The following CISD1 variants were observed in gnomAD, a reference collection of about 807,000 sequenced individuals.
CISD1 encodes the protein CDGSH iron-sulfur domain-containing protein 1.
Under a neutral mutation model 12.0 loss-of-function variants are expected in CISD1, and 8 were observed. The observed-to-expected ratio is 0.67, with a 90% CI of 0.39 to 1.20. The LOEUF (loss-of-function observed/expected upper bound fraction) is 1.20. Among genes scored for constraint, CISD1 ranks in the 50% most tolerant of loss-of-function variants. The pLI is 0.01. For synonymous variants in CISD1, 38 were observed against 42.2 expected, an observed-to-expected ratio of 0.90 and a Z score of 0.39; for missense variants, 107 against 132.7, an observed-to-expected ratio of 0.81 and a Z score of 0.95.
At chr10:58,274,025 T>G (rs536984883) in intron 1 of CISD1, among the ~76,000 whole-genome samples, 1 of 152,048 alleles carries the variant, frequency 6.6e-6, no homozygotes, top group African/African-American at 2.4e-5. Context: ...TCCCAGCTAC[T>G]TGGGAGGCTG....
At chr10:58,274,669 G>A (rs1393018692) in intron 1 of CISD1, among the ~76,000 whole-genome samples, 1 of 152,076 alleles carries the variant, frequency 6.6e-6, no homozygotes, top group Non-Finnish European at 1.5e-5. Context: ...CACAAAGTGT[G>A]TGTTTTGATT....
rs1343423186 is a variant in CISD1 at position 58,276,906 on chromosome 10, C to A, written c.32-211C>A. Among the ~76,000 whole-genome samples the A allele has an allele frequency of 2.0e-5, 3 of 152,034 alleles. No individual in the cohort carries two copies. In the East Asian group the frequency reaches 5.8e-4, roughly 29 times the overall value. On this transcript the variant is annotated intron_variant, in intron 1 of 2. Transcript: ENST00000333926. ...TCTACTTAATGTAGCTATCATCACT[C>A]AGTAGAAAATACACAATTGCTTCAA... is the stretch of plus-strand genomic sequence containing the variant.
At chr10:58,286,196 C>T (rs539187579) in intron 2 of CISD1, among the ~76,000 whole-genome samples, 141 of 147,096 alleles carry the variant, frequency 9.6e-4, no homozygotes, top group Non-Finnish European at 1.8e-3. Context: ...CAGAGCAAGA[C>T]TCCGTTTCAA....
chr10:58,276,886 T>A (rs1303670131), intron 1 of CISD1, among the ~76,000 whole-genome samples: 1 of 152,116 alleles, frequency 6.6e-6, no homozygotes, highest in Non-Finnish European at 1.5e-5. Context: ...TTTCTTCTAC[T>A]TAATGTAGCT....
At chr10:58,285,540 A>G (rs1476289945) in intron 2 of CISD1, among the ~76,000 whole-genome samples, 2 of 152,142 alleles carry the variant, frequency 1.3e-5, no homozygotes, top group Admixed American at 1.3e-4. Flanking sequence ...AGATACATTC[A>G]AAACACCAAG....
At chr10:58,280,295 A>T (rs1047014702) in intron 2 of CISD1, among the ~76,000 whole-genome samples, 2 of 152,162 alleles carry the variant, frequency 1.3e-5, no homozygotes, top group Non-Finnish European at 2.9e-5. Context: ...TGATACTTTT[A>T]CCGGGGTGCT....
intron 1 of CISD1, chr10:58,273,294 C>T (rs2132277166): frequency 6.6e-6 from 1 of 152,052 alleles, no homozygotes; most frequent in Non-Finnish European, 1.5e-5. Flanking sequence ...TTGAATATCA[C>T]TTATATGCCA....
At chr10:58,273,939 G>T (rs1839279998) in intron 1 of CISD1, among the ~76,000 whole-genome samples, 1 of 152,120 alleles carries the variant, frequency 6.6e-6, no homozygotes, top group Admixed American at 6.5e-5. Flanking sequence ...TTCAAGACCG[G>T]CCTGGCCAAC....
rs555577825 is a variant in CISD1, at chr10:58,282,716, A to AT, written c.238-4842dup. On this transcript the variant is annotated intron_variant, in intron 2 of 2. Coordinates refer to ENST00000333926, the MANE Select transcript of CISD1 (RefSeq NM_018464.5). The stretch of plus-strand genomic sequence containing the variant: ...TAAAGTGACTACAGGGAAAGATACT[A>AT]TTTGAGTCAGCGGTATCTTGACAAA... Among the ~76,000 whole-genome samples the AT allele has an allele frequency of 3.7e-3, 560 of 152,342 alleles. 7 individuals carry two copies. The highest frequency in any genetic ancestry group is 0.013 in the African/African-American group (522 of 41,586).
chr10:58,283,469 G>A (rs1345040933), intron 2 of CISD1, among the ~76,000 whole-genome samples: 2 of 152,126 alleles, frequency 1.3e-5, no homozygotes, highest in African/African-American at 4.8e-5. Flanking sequence ...ACAGTTTATG[G>A]TAATGAGCCA....
rs1839449038 is a variant in CISD1 at position 58,288,054 on chromosome 10, A to G, written c.*404A>G. On this transcript the variant is annotated 3_prime_UTR_variant, in exon 3 of 3. Transcript: ENST00000333926. Reference sequence around the variant, plus strand: ...TTACCATCTTTTCATATTGACCTGGAAACTAAATAGGATGTGATTCAGCTA... The same window carrying G: ...TTACCATCTTTTCATATTGACCTGGGAACTAAATAGGATGTGATTCAGCTA... 6.5e-6 allele frequency: 1 copy of G among 154,134 alleles called. No homozygotes were observed. Among genetic ancestry groups the G allele is most frequent in the African/African-American group, 2.4e-5 (1 of 41,524 alleles). 9.5% of individuals were successfully genotyped at this position (154,134 alleles called of 1,614,324 possible).
intron 1 of CISD1, among the ~76,000 whole-genome samples, chr10:58,273,881 C>T (rs1419186150): frequency 6.6e-6 from 1 of 152,184 alleles, no homozygotes; most frequent in Admixed American, 6.5e-5. Context: ...TGCCTGTAAT[C>T]CCAGCACTTT....
chr10:58,281,371 T>TC (rs1296433517), intron 2 of CISD1, among the ~76,000 whole-genome samples: 6 of 152,222 alleles, frequency 3.9e-5, no homozygotes, highest in Non-Finnish European at 8.8e-5. Flanking sequence ...TGCCTTTTTT[T>TC]CCCCCTCTGG....
intron 1 of CISD1, among the ~76,000 whole-genome samples, chr10:58,272,524 A>G (rs1238655998): frequency 1.3e-5 from 2 of 152,212 alleles, no homozygotes; most frequent in Non-Finnish European, 2.9e-5. Context: ...AAATTCACCA[A>G]GTCATTTAAA....
Position 58,269,165 on chromosome 10 carries a change from A to C in CISD1, c.-109A>C, listed in dbSNP as rs543557066. 4.5e-5 allele frequency: 54 copies of C among 1,193,040 alleles called. No homozygotes were observed. In the South Asian group the frequency reaches 4.5e-4, roughly 10 times the overall value. 73.9% of individuals were successfully genotyped at this position (1,193,040 alleles called of 1,614,324 possible). A position where few individuals can be genotyped will look rare whatever the true frequency, so the allele number is the denominator to read the frequency against. ...CCCGCCGCGGCGCCTGCGCGGTAGC[A>C]TCGCGGAGTCGGTGCTTTAGTACGC... is the stretch of plus-strand genomic sequence containing the variant. On this transcript the variant is annotated 5_prime_UTR_variant, in exon 1 of 3. Coordinates refer to ENST00000333926, the MANE Select transcript of CISD1 (RefSeq NM_018464.5).
intron 1 of CISD1, among the ~76,000 whole-genome samples, chr10:58,272,771 T>G (rs990831135): frequency 6.6e-6 from 1 of 152,026 alleles, no homozygotes; most frequent in Admixed American, 6.5e-5. Flanking sequence ...TACAAAAAAT[T>G]AGCCAGGCAT....
intron 1 of CISD1, among the ~76,000 whole-genome samples, chr10:58,272,521 C>T (rs1839260994): frequency 6.6e-6 from 1 of 152,070 alleles, no homozygotes; most frequent in South Asian, 2.1e-4. Flanking sequence ...ACTAAATTCA[C>T]CAAGTCATTT....
intron 2 of CISD1, among the ~76,000 whole-genome samples, chr10:58,285,792 A>T (rs78561429): frequency 1.3e-5 from 2 of 152,216 alleles, no homozygotes; most frequent in Non-Finnish European, 2.9e-5. Flanking sequence ...GATTAAAAAT[A>T]TGACAGAAAT....
intron 2 of CISD1, among the ~76,000 whole-genome samples, chr10:58,280,126 G>A (rs2132281761): frequency 6.6e-6 from 1 of 152,344 alleles, no homozygotes; most frequent in African/African-American, 2.4e-5. Context: ...GGAAGGACTT[G>A]TGAACAAAGG....
Sources: allele counts gnomAD v4.1 joint callset (sites outside exome capture counted in the v4.1 genomes callset), GRCh38; gene constraint gnomAD v4.1.1; transcripts MANE v1.5; gene names NCBI Gene and HGNC (gene_info 2026-07-23, HGNC 2026-07-21).